METTL16: variants seen among roughly 807,000 people sequenced by gnomAD.
METTL16 encodes the protein methyltransferase 16, RNA N6-adenosine.
METTL16 carries 19 observed loss-of-function variants against 57.9 expected under a neutral mutation model. That is an observed-to-expected ratio of 0.33 (90% CI 0.23 to 0.48). METTL16 has a LOEUF of 0.48. METTL16 is among the 20% of genes least tolerant of loss of function. The pLI, the probability that METTL16 is intolerant of heterozygous loss-of-function variation, is 0.99. For missense variants in METTL16, 434 were observed against 691.5 expected, an observed-to-expected ratio of 0.63 and a Z score of 4.18; for synonymous variants, 246 against 255.6, an observed-to-expected ratio of 0.96 and a Z score of 0.36.
chr17:2,471,741 T>C (rs1283540826), intron 4 of METTL16, among the ~76,000 whole-genome samples: 3 of 151,824 alleles, frequency 2.0e-5, no homozygotes, highest in African/African-American at 7.3e-5. Flanking sequence ...TGAGCCGAGA[T>C]TGCGCCACTG....
chr17:2,441,564 G>GAA lies in METTL16; in HGVS notation c.729-7_729-6dup. 28 of 1,437,734 alleles carry GAA rather than the reference G, an allele frequency of 1.9e-5. No homozygotes were observed. The highest frequency in any genetic ancestry group is 5.1e-5 in the East Asian group (2 of 39,244). The allele number at this position is 1,437,734 out of a possible 1,614,324, so 89.1% of individuals were successfully genotyped here. A position where few individuals can be genotyped will look rare whatever the true frequency, so the allele number is the denominator to read the frequency against. On this transcript the variant is annotated splice_polypyrimidine_tract_variant and splice_region_variant and intron_variant, in intron 6 of 9. Coordinates refer to ENST00000263092, the MANE Select transcript of METTL16 (RefSeq NM_024086.4). ...CCCAGCATGCAGCTATACCATCTAG[G>GAA]AAAAAAAAAATCAGACAAGTAAATA... is the stretch of plus-strand genomic sequence containing the variant.
chr17:2,441,446 C>T (rs1162757705), intron 7 of METTL16, 44 bp downstream of exon 7: 6 of 1,424,544 alleles, frequency 4.2e-6, no homozygotes, highest in Non-Finnish European at 5.7e-6. Context: ...CCCATGGATA[C>T]AAAGAAAAGT....
chr17:2,465,408 G>T (rs867305366), intron 5 of METTL16, among the ~76,000 whole-genome samples: 2 of 151,818 alleles, frequency 1.3e-5, no homozygotes, highest in African/African-American at 4.8e-5. Flanking sequence ...TTAGCTGGGC[G>T]TGGTGGCTCA....
At chr17:2,424,747 G>C (rs1294374231) in intron 8 of METTL16, among the ~76,000 whole-genome samples, 1 of 151,980 alleles carries the variant, frequency 6.6e-6, no homozygotes, top group African/African-American at 2.4e-5. Flanking sequence ...GGGAGATTGA[G>C]ACCATCCTGG....
chr17:2,494,551 G>GT (rs1224436887), intron 2 of METTL16, among the ~76,000 whole-genome samples: 1 of 152,040 alleles, frequency 6.6e-6, no homozygotes, highest in Non-Finnish European at 1.5e-5. Flanking sequence ...AGTGGTCTTT[G>GT]TTTTTTGTTT....
chr17:2,441,910 C>T (rs545356919), intron 6 of METTL16, among the ~76,000 whole-genome samples: 6 of 152,204 alleles, frequency 3.9e-5, no homozygotes, highest in African/African-American at 1.4e-4. Flanking sequence ...TAAAAAACAA[C>T]AAAAACATAA....
chr17:2,497,236 C>A (rs886342976), intron 2 of METTL16, among the ~76,000 whole-genome samples: 2 of 150,548 alleles, frequency 1.3e-5, no homozygotes, highest in Non-Finnish European at 2.9e-5. Flanking sequence ...GAACTCCTGA[C>A]CTCAGGTGAT....
intron 6 of METTL16, among the ~76,000 whole-genome samples, chr17:2,451,149 T>C (rs2067066155): frequency 6.6e-6 from 1 of 152,210 alleles, no homozygotes; most frequent in South Asian, 2.1e-4. Context: ...TCACTGTGAA[T>C]TCAACAAGAG....
At chr17:2,438,223 C>G (rs186539463) in intron 7 of METTL16, 25 bp from the exon 8 acceptor site, 1 of 1,507,752 alleles carries the variant, frequency 6.6e-7, no homozygotes, top group African/African-American at 1.4e-5. Flanking sequence ...GACAGCATCT[C>G]ATCAAACTGC....
chr17:2,469,810 C>T (rs75085629), intron 4 of METTL16, among the ~76,000 whole-genome samples: 2,340 of 152,200 alleles, frequency 0.015, 63 homozygotes, highest in African/African-American at 0.053. Context: ...TGTGAGCCAC[C>T]GCACCCGGCC....
At chr17:2,486,901 T>C (rs1282286932) in intron 2 of METTL16, among the ~76,000 whole-genome samples, 1 of 145,894 alleles carries the variant, frequency 6.9e-6, no homozygotes, top group African/African-American at 2.5e-5. Context: ...TAGGGCGCGG[T>C]ACTGAGGTGG....
intron 2 of METTL16, among the ~76,000 whole-genome samples, chr17:2,487,450 G>A (rs2067352145): frequency 6.6e-6 from 1 of 152,252 alleles, no homozygotes; most frequent in African/African-American, 2.4e-5. Context: ...ATAGCTGTAT[G>A]CACAGTCATT....
At chr17:2,489,722 G>A (rs962111416) in intron 2 of METTL16, among the ~76,000 whole-genome samples, 26 of 5,470 alleles carry the variant, frequency 4.8e-3, no homozygotes, top group Middle Eastern at 0.062. Context: ...CTGGATGACA[G>A]AGCGAGACTC....
At position 2,432,610 on chromosome 17, in the gene METTL16, G is replaced by T. The variant is rs373553729; in HGVS notation, c.888+5499C>A. ...AAGCTTGGTGGAATTATTTATATCC[G>T]ACGCTCACGGTCATCGCCAAGGTCT... On this transcript the variant is annotated intron_variant, in intron 8 of 9. Transcript: ENST00000263092. 1.7e-3 allele frequency among the ~76,000 whole-genome samples: 256 copies of T among 151,994 alleles called. 4 individuals are homozygous for T. The highest frequency in any genetic ancestry group is 5.7e-3 in the African/African-American group (238 of 41,452).
At chr17:2,502,138 C>G (rs1394622870) in intron 2 of METTL16, 66 bp downstream of exon 2, 1 of 1,534,234 alleles carries the variant, frequency 6.5e-7, no homozygotes, top group Non-Finnish European at 8.9e-7. Context: ...CTCAGGTGGG[C>G]TTTCTATTAC....
chr17:2,485,822 T>C (rs1232751756), intron 2 of METTL16, among the ~76,000 whole-genome samples: 1 of 152,166 alleles, frequency 6.6e-6, no homozygotes, highest in Admixed American at 6.5e-5. Flanking sequence ...ATCACTTAAA[T>C]ACCTGTAAAA....
intron 2 of METTL16, among the ~76,000 whole-genome samples, chr17:2,482,224 T>C (rs2067312353): frequency 6.6e-6 from 1 of 152,260 alleles, no homozygotes; most frequent in Admixed American, 6.5e-5. Context: ...GTTCTTTGAC[T>C]TTAAGCGAAA....
At chr17:2,480,455 C>T (rs2067297818) in intron 2 of METTL16, among the ~76,000 whole-genome samples, 1 of 151,900 alleles carries the variant, frequency 6.6e-6, no homozygotes, top group South Asian at 2.1e-4. Flanking sequence ...TATAGTGGAC[C>T]CTGAAGAGAC....
At chr17:2,468,038 C>T (rs192570058) in intron 4 of METTL16, among the ~76,000 whole-genome samples, 162 bp from the exon 5 acceptor site, 1 of 152,160 alleles carries the variant, frequency 6.6e-6, no homozygotes, top group Non-Finnish European at 1.5e-5. Context: ...GTTTGATATG[C>T]TTAGATAGAC....
Sources: gnomAD v4.1 joint callset for allele counts (sites outside exome capture counted in the v4.1 genomes callset) on GRCh38, gnomAD v4.1.1 for gene constraint, MANE v1.5 for transcripts, NCBI Gene and HGNC (gene_info 2026-07-23, HGNC 2026-07-21) for gene names.